The following CCSER1 variants were observed in gnomAD, a reference collection of about 807,000 sequenced individuals.
CCSER1 encodes the protein serine-rich coiled-coil domain-containing protein 1.
In CCSER1, 41 loss-of-function variants were observed where a neutral mutation model predicts 82.0. The observed-to-expected ratio is 0.50, with a 90% CI of 0.39 to 0.65. CCSER1 has a LOEUF of 0.65. Among genes scored for constraint, CCSER1 ranks in the 30% least tolerant of loss-of-function variants. The pLI, the probability that CCSER1 is intolerant of heterozygous loss-of-function variation, is 0.00. For synonymous variants in CCSER1, 414 were observed against 383.9 expected, an observed-to-expected ratio of 1.08 and a Z score of -0.92; for missense variants, 1,119 against 1,064.2, an observed-to-expected ratio of 1.05 and a Z score of -0.72.
At chr4:91,186,279 G>A (rs1450101209) in intron 10 of CCSER1, among the ~76,000 whole-genome samples, 2 of 152,080 alleles carry the variant, frequency 1.3e-5, no homozygotes, top group South Asian at 2.1e-4. Flanking sequence ...AACCTCTTCT[G>A]TTACTTCACT....
At chr4:90,519,588 A>T (rs1259262328) in intron 5 of CCSER1, among the ~76,000 whole-genome samples, 1 of 151,916 alleles carries the variant, frequency 6.6e-6, no homozygotes, top group South Asian at 2.1e-4. Context: ...GCTTATTACA[A>T]TTTTTTTATT....
chr4:90,887,082 A>C (rs1458655887), intron 8 of CCSER1, among the ~76,000 whole-genome samples: 1 of 152,136 alleles, frequency 6.6e-6, no homozygotes, highest in Non-Finnish European at 1.5e-5. Flanking sequence ...ACCTACCCTC[A>C]GCTTCTTTTT....
intron 3 of CCSER1, among the ~76,000 whole-genome samples, chr4:90,369,349 AAAG>A (rs148957201): frequency 0.03 from 3,233 of 107,672 alleles, 362 homozygotes; most frequent in African/African-American, 0.066. Flanking sequence ...AGAAGAAAGA[AAAG>A]AGGAGGAAAA....
intron 9 of CCSER1, among the ~76,000 whole-genome samples, chr4:91,032,033 C>A (rs1234542440): frequency 6.6e-6 from 1 of 152,016 alleles, no homozygotes; most frequent in Non-Finnish European, 1.5e-5. Flanking sequence ...CCAGCTCTGA[C>A]TTCATACTCC....
rs1353356244 is a variant in CCSER1, at chr4:90,391,463, TATATATATATATATATATATATACAC to T, written c.1510-8571_1510-8546del. Among the ~76,000 whole-genome samples, 241 of 88,048 alleles carry T rather than the reference TATATATATATATATATATATATACAC, an allele frequency of 2.7e-3. 5 individuals carry two copies. The highest frequency in any genetic ancestry group is 0.014 in the African/African-American group (218 of 15,138). The allele number at this position is 88,048 out of a possible 152,430, so 57.8% of individuals were successfully genotyped here. A position where few individuals can be genotyped will look rare whatever the true frequency, so the allele number is the denominator to read the frequency against. On this transcript the variant is annotated intron_variant, in intron 3 of 10. Transcript: ENST00000509176. ...ATGGGGGTATATATATATATATATATATATATATATATATATATATATACACACACACAGTGGGTAAATATATATAT... is the reference window on the plus strand; with the variant it reads ...ATGGGGGTATATATATATATATATATACACACAGTGGGTAAATATATATAT...
At chr4:90,720,825 G>A (rs955780128) in intron 6 of CCSER1, among the ~76,000 whole-genome samples, 4 of 151,984 alleles carry the variant, frequency 2.6e-5, no homozygotes, top group Admixed American at 6.6e-5. Context: ...GCAGTTATGA[G>A]AAGATGTAAC....
intron 8 of CCSER1, among the ~76,000 whole-genome samples, chr4:90,833,003 G>A (rs907460703): frequency 1.3e-5 from 2 of 152,130 alleles, no homozygotes. Flanking sequence ...ATGGTCTTTC[G>A]TTATTCACAG....
At chr4:90,585,196 A>G (rs1278361195) in intron 5 of CCSER1, among the ~76,000 whole-genome samples, 1 of 152,246 alleles carries the variant, frequency 6.6e-6, no homozygotes, top group African/African-American at 2.4e-5. Flanking sequence ...GAAGCCATTA[A>G]AATAGTTAAT....
intron 7 of CCSER1, among the ~76,000 whole-genome samples, chr4:90,788,479 C>T (rs1231405009): frequency 6.6e-6 from 1 of 152,130 alleles, no homozygotes; most frequent in African/African-American, 2.4e-5. Flanking sequence ...CTATTCTGGA[C>T]CTCAAGCCTG....
At chr4:91,349,142 C>G (rs1241397678) in intron 10 of CCSER1, among the ~76,000 whole-genome samples, 1 of 152,070 alleles carries the variant, frequency 6.6e-6, no homozygotes, top group African/African-American at 2.4e-5. Flanking sequence ...CTCCTGACCT[C>G]GTGATCTGCC....
chr4:90,558,334 T>C lies in CCSER1; in HGVS notation c.1725-69691T>C, dbSNP rs1409728657. Among the ~76,000 whole-genome samples the C allele has an allele frequency of 3.9e-5, 6 of 152,162 alleles. No individual in the cohort carries two copies. In the South Asian group the frequency reaches 8.3e-4, roughly 21 times the overall value. On this transcript the variant is annotated intron_variant, in intron 5 of 10. Coordinates refer to ENST00000509176, the MANE Select transcript of CCSER1 (RefSeq NM_001145065.2). ...TTATAAACTAAATAAAATTAACATA[T>C]AGAAATAATTGTAAAAACATTTTAT...
At chr4:90,844,407 T>A (rs905364056) in intron 8 of CCSER1, among the ~76,000 whole-genome samples, 2 of 152,086 alleles carry the variant, frequency 1.3e-5, no homozygotes, top group African/African-American at 4.8e-5. Flanking sequence ...AATGAAGACA[T>A]TCCTCATAAA....
chr4:90,713,489 G>C (rs924319215), intron 6 of CCSER1, among the ~76,000 whole-genome samples: 1 of 151,874 alleles, frequency 6.6e-6, no homozygotes. Flanking sequence ...CTTCTGGCTT[G>C]TAGGCTTTCC....
chr4:91,303,537 G>A (rs1744824006), intron 10 of CCSER1, among the ~76,000 whole-genome samples: 1 of 151,978 alleles, frequency 6.6e-6, no homozygotes, highest in Non-Finnish European at 1.5e-5. Context: ...TGTAATCCCA[G>A]CACTTTGGGA....
rs755254962 is a variant in CCSER1, at chr4:91,241,327, AT to A, written c.2217+155349del. 3.9e-3 allele frequency among the ~76,000 whole-genome samples: 452 copies of A among 116,198 alleles called. 12 individuals carry two copies. Among genetic ancestry groups the A allele is most frequent in the African/African-American group, 0.016 (395 of 25,274 alleles). The allele number at this position is 116,198 out of a possible 152,430, so 76.2% of individuals were successfully genotyped here. A position where few individuals can be genotyped will look rare whatever the true frequency, so the allele number is the denominator to read the frequency against. ...ACTGAAATCTCTACTCATAAAATAC[AT>A]TTTTTTTTTTTTTTTGAGACGGAGT... On this transcript the variant is annotated intron_variant, in intron 10 of 10. Coordinates refer to ENST00000509176, the MANE Select transcript of CCSER1 (RefSeq NM_001145065.2).
At chr4:91,207,221 CTTTTA>C (rs1376281164) in intron 10 of CCSER1, among the ~76,000 whole-genome samples, 18 of 151,846 alleles carry the variant, frequency 1.2e-4, no homozygotes, top group African/African-American at 3.9e-4. Flanking sequence ...AATATTTTAA[CTTTTA>C]TTTTATGTTC....
intron 5 of CCSER1, among the ~76,000 whole-genome samples, chr4:90,620,069 A>C (rs907015437): frequency 1.3e-5 from 2 of 152,168 alleles, no homozygotes; most frequent in Non-Finnish European, 2.9e-5. Context: ...ATTTTGGACA[A>C]AGTTAAAAAT....
chr4:90,916,808 A>G (rs528101606), intron 8 of CCSER1, among the ~76,000 whole-genome samples: 2 of 152,310 alleles, frequency 1.3e-5, no homozygotes, highest in Non-Finnish European at 2.9e-5. Context: ...AACTCAAACA[A>G]ATTTACAAGA....
intron 7 of CCSER1, among the ~76,000 whole-genome samples, chr4:90,804,652 T>C (rs10856879): frequency 0.59 from 90,218 of 151,976 alleles, 26,913 homozygotes; most frequent in East Asian, 0.65. Flanking sequence ...AAATAATTTA[T>C]GGATTTTACT....
Sources: allele counts gnomAD v4.1 joint callset (sites outside exome capture counted in the v4.1 genomes callset), GRCh38; gene constraint gnomAD v4.1.1; transcripts MANE v1.5; gene names NCBI Gene and HGNC (gene_info 2026-07-23, HGNC 2026-07-21).